Variants in GULP1 observed in about 807,000 individuals in gnomAD.
GULP1 encodes the protein GULP PTB domain containing engulfment adaptor 1.
A neutral mutation model predicts 40.9 loss-of-function variants in GULP1; 19 were observed. That is an observed-to-expected ratio of 0.46 (90% CI 0.32 to 0.68). The LOEUF is 0.68. Among genes scored for constraint, GULP1 ranks in the 30% least tolerant of loss-of-function variants. The pLI is 0.03. For synonymous variants in GULP1, 119 were observed against 117.6 expected (o/e 1.01, Z -0.08); for missense variants, 312 against 362.2 (o/e 0.86, Z 1.12).
intron 1 of GULP1, among the ~76,000 whole-genome samples, chr2:188,360,347 A>G (rs901270020): frequency 1.3e-5 from 2 of 152,088 alleles, no homozygotes; most frequent in African/African-American, 4.8e-5. Context: ...AAAAATCTCT[A>G]TTATGCACCA....
intron 3 of GULP1, 46 bp downstream of exon 3, chr2:188,477,776 C>T: frequency 7.1e-7 from 1 of 1,417,962 alleles, no homozygotes; most frequent in Non-Finnish European, 9.8e-7. Context: ...GCCAATGTTG[C>T]TATGAACATA....
At chr2:188,327,008 A>G (rs544950264) in intron 1 of GULP1, among the ~76,000 whole-genome samples, 1 of 152,096 alleles carries the variant, frequency 6.6e-6, no homozygotes, top group Non-Finnish European at 1.5e-5. Context: ...CTCTAGCTGA[A>G]CTCTATTCTC....
At chr2:188,448,992 A>G (rs1283415638) in intron 2 of GULP1, among the ~76,000 whole-genome samples, 2 of 152,154 alleles carry the variant, frequency 1.3e-5, no homozygotes, top group East Asian at 3.9e-4. Flanking sequence ...CAGCCTGCAG[A>G]ACCATCAGCC....
intron 1 of GULP1, among the ~76,000 whole-genome samples, chr2:188,382,884 A>G (rs545507224): frequency 4.7e-4 from 71 of 152,310 alleles, no homozygotes; most frequent in Non-Finnish European, 9.1e-4. Context: ...AAGTATTCAG[A>G]TGGCTTAGAT....
chr2:188,306,032 C>T (rs1238942295), intron 1 of GULP1, among the ~76,000 whole-genome samples: 2 of 152,148 alleles, frequency 1.3e-5, no homozygotes, highest in Non-Finnish European at 2.9e-5. Context: ...CCCTCCTCAG[C>T]CTCCCAAAGT....
chr2:188,313,831 G>C (rs1318483123), intron 1 of GULP1, among the ~76,000 whole-genome samples: 1 of 151,524 alleles, frequency 6.6e-6, no homozygotes, highest in Admixed American at 6.6e-5. Flanking sequence ...ATTTTATTGA[G>C]AATTGGTATT....
chr2:188,590,140 T>C (rs1224871975), intron 11 of GULP1: 1 of 152,940 alleles, frequency 6.5e-6, no homozygotes, highest in Non-Finnish European at 1.5e-5. Context: ...GCGTGGCTAA[T>C]TTTTGTATTT....
intron 2 of GULP1, among the ~76,000 whole-genome samples, chr2:188,387,309 AAAT>A (rs1452430237): frequency 1.3e-5 from 2 of 152,158 alleles, no homozygotes; most frequent in Non-Finnish European, 2.9e-5. Context: ...CACCATTTAG[AAAT>A]AATATCAAGT....
At chr2:188,338,034 T>G (rs929907220) in intron 1 of GULP1, among the ~76,000 whole-genome samples, 2 of 152,132 alleles carry the variant, frequency 1.3e-5, no homozygotes, top group Non-Finnish European at 2.9e-5. Flanking sequence ...TTTCCGTATT[T>G]GTATTTTCAA....
intron 6 of GULP1, among the ~76,000 whole-genome samples, chr2:188,538,516 GT>G (rs1222821539): frequency 2.6e-5 from 4 of 152,012 alleles, no homozygotes; most frequent in Admixed American, 2.6e-4. Flanking sequence ...TTTACCCTAT[GT>G]TACATACGAA....
At chr2:188,410,402 A>G (rs1307752296) in intron 2 of GULP1, among the ~76,000 whole-genome samples, 4 of 152,186 alleles carry the variant, frequency 2.6e-5, no homozygotes, top group Non-Finnish European at 5.9e-5. Context: ...CAAAGTGAAG[A>G]GACAACCTAT....
At chr2:188,392,904 C>T (rs1263144194) in intron 2 of GULP1, among the ~76,000 whole-genome samples, 1 of 151,860 alleles carries the variant, frequency 6.6e-6, no homozygotes, top group Non-Finnish European at 1.5e-5. Flanking sequence ...TTGAGAGTTC[C>T]TTTTAAAGGT....
chr2:188,447,708 GTGCATTGCTAGA>G (rs774975115), intron 2 of GULP1, among the ~76,000 whole-genome samples: 58 of 152,216 alleles, frequency 3.8e-4, no homozygotes, highest in Non-Finnish European at 4.4e-5. Context: ...GAAAGTACTG[GTGCATTGCTAGA>G]CACATGCTAG....
chr2:188,507,358 G>A (rs1015112509), intron 4 of GULP1, among the ~76,000 whole-genome samples: 11 of 150,840 alleles, frequency 7.3e-5, no homozygotes, highest in Non-Finnish European at 3.0e-5. Flanking sequence ...TTCACTAAAC[G>A]AGTGTGTTTC....
intron 7 of GULP1, among the ~76,000 whole-genome samples, chr2:188,557,132 A>G (rs556767447): frequency 1.3e-5 from 2 of 152,170 alleles, no homozygotes; most frequent in Non-Finnish European, 2.9e-5. Context: ...ATAGGAACAC[A>G]GATCCAAAAC....
intron 6 of GULP1, among the ~76,000 whole-genome samples, chr2:188,539,267 A>C (rs1689795514): frequency 6.6e-6 from 1 of 152,134 alleles, no homozygotes; most frequent in Non-Finnish European, 1.5e-5. Context: ...GTTTAGCAGT[A>C]ATATTTTCTC....
chr2:188,509,505 T>G (rs1238886472), intron 4 of GULP1, among the ~76,000 whole-genome samples: 2 of 152,062 alleles, frequency 1.3e-5, no homozygotes, highest in African/African-American at 4.8e-5. Context: ...CATTTTTCAC[T>G]CAAAAGAACT....
chr2:188,506,749 T>TG (rs1158934995), intron 4 of GULP1, among the ~76,000 whole-genome samples: 1 of 152,012 alleles, frequency 6.6e-6, no homozygotes, highest in Non-Finnish European at 1.5e-5. Flanking sequence ...TGTTATTCAG[T>TG]AAGTAGTCAG....
At chr2:188,562,059 G>A (rs1696448331) in intron 7 of GULP1, among the ~76,000 whole-genome samples, 1 of 152,138 alleles carries the variant, frequency 6.6e-6, no homozygotes, top group South Asian at 2.1e-4. Flanking sequence ...AACAGCCCAA[G>A]TTTCCCTAAT....
Sources: allele counts gnomAD v4.1 joint callset (sites outside exome capture counted in the v4.1 genomes callset), GRCh38; gene constraint gnomAD v4.1.1; transcripts MANE v1.5; gene names NCBI Gene and HGNC (gene_info 2026-07-23, HGNC 2026-07-21).